Variants in TSHZ2 observed in about 807,000 individuals in gnomAD.
TSHZ2 encodes teashirt zinc finger homeobox 2.
A neutral mutation model predicts 74.4 loss-of-function variants in TSHZ2; 21 were observed. The observed-to-expected ratio is 0.28, with a 90% CI of 0.20 to 0.41. TSHZ2 has a LOEUF of 0.41. TSHZ2 is among the 10% of genes least tolerant of loss of function. The probability of loss-of-function intolerance (pLI) is 1.00; values close to 1 mark genes in which losing one functional copy is unlikely to be tolerated. For synonymous variants in TSHZ2, 540 were observed against 515.3 expected (o/e 1.05, Z -0.65); for missense variants, 1,244 against 1,293.5 (o/e 0.96, Z 0.59).
intron 2 of TSHZ2, among the ~76,000 whole-genome samples, chr20:53,354,122 G>T (rs1357391151): frequency 6.6e-6 from 1 of 152,216 alleles, no homozygotes; most frequent in South Asian, 2.1e-4. Flanking sequence ...CCCTAACATG[G>T]TAGAAGGCAA....
intron 1 of TSHZ2, among the ~76,000 whole-genome samples, chr20:53,201,375 G>A (rs1988999767): frequency 6.6e-6 from 1 of 152,122 alleles, no homozygotes; most frequent in Non-Finnish European, 1.5e-5. Context: ...AAAGCTGCCT[G>A]CATTCTTCGG....
intron 2 of TSHZ2, among the ~76,000 whole-genome samples, chr20:53,407,516 T>C (rs1281646341): frequency 6.6e-6 from 1 of 152,228 alleles, no homozygotes; most frequent in African/African-American, 2.4e-5. Context: ...CAGAGATTCA[T>C]TTCCATGGAA....
chr20:53,210,189 G>C (rs1989269658), intron 1 of TSHZ2, among the ~76,000 whole-genome samples: 2 of 152,240 alleles, frequency 1.3e-5, no homozygotes, highest in African/African-American at 4.8e-5. Flanking sequence ...GAGTGGGTGT[G>C]TGTTGCAGTG....
At chr20:53,357,428 G>T (rs1392424453) in intron 2 of TSHZ2, among the ~76,000 whole-genome samples, 1 of 152,056 alleles carries the variant, frequency 6.6e-6, no homozygotes, top group Non-Finnish European at 1.5e-5. Context: ...ACTTTGGGAG[G>T]CTGAAGTGGG....
intron 2 of TSHZ2, among the ~76,000 whole-genome samples, chr20:53,443,063 T>C (rs2145761724): frequency 6.6e-6 from 1 of 152,230 alleles, no homozygotes; most frequent in Admixed American, 6.5e-5. Context: ...TTTGCAAAAA[T>C]TACAGTTTTG....
intron 1 of TSHZ2, among the ~76,000 whole-genome samples, chr20:53,199,222 G>A (rs1988942452): frequency 6.6e-6 from 1 of 152,202 alleles, no homozygotes; most frequent in Non-Finnish European, 1.5e-5. Flanking sequence ...ATGTGGCTGG[G>A]AGCAGTGGCT....
intron 1 of TSHZ2, among the ~76,000 whole-genome samples, chr20:53,077,047 G>A (rs1985386908): frequency 6.6e-6 from 1 of 152,164 alleles, no homozygotes; most frequent in Non-Finnish European, 1.5e-5. Flanking sequence ...GGAAAAGTGT[G>A]ACCAAGTGGA....
intron 1 of TSHZ2, among the ~76,000 whole-genome samples, chr20:53,248,393 G>T (rs903218192): frequency 2.6e-5 from 4 of 152,070 alleles, no homozygotes; most frequent in African/African-American, 7.2e-5. Context: ...TCATATGAAA[G>T]AAAATTTCTC....
rs530387711 is a variant in TSHZ2, at chr20:53,011,880, G to T, written c.40+38547G>T. ...AGTCCCCATCTGCCTTCCCAATAGG[G>T]TCATTCTTTTCTGTGCCTGGCAATG... On this transcript the variant is annotated intron_variant, in intron 1 of 2. Coordinates refer to ENST00000371497, the MANE Select transcript of TSHZ2 (RefSeq NM_173485.6). Among the ~76,000 whole-genome samples the T allele has an allele frequency of 4.6e-5, 7 of 152,218 alleles. No individual in the cohort carries two copies. The East Asian group carries it at 1.3e-3, about 29-fold the overall frequency.
chr20:53,210,385 T>C (rs1475751058), intron 1 of TSHZ2, among the ~76,000 whole-genome samples: 1 of 151,822 alleles, frequency 6.6e-6, no homozygotes, highest in East Asian at 1.9e-4. Flanking sequence ...TATCGAGCGG[T>C]GGAGGTGGCT....
chr20:53,305,594 G>C (rs1978501697), intron 2 of TSHZ2, among the ~76,000 whole-genome samples: 2 of 152,156 alleles, frequency 1.3e-5, no homozygotes, highest in South Asian at 4.1e-4. Context: ...CTGGTTTTAA[G>C]TTGGCTACAA....
chr20:53,037,930 C>A (rs914196063), intron 1 of TSHZ2, among the ~76,000 whole-genome samples: 21 of 151,996 alleles, frequency 1.4e-4, no homozygotes, highest in Admixed American at 1.2e-3. Flanking sequence ...ATGCCTGGGT[C>A]TGCTTGGTTG....
chr20:53,423,671 T>G (rs1052845588), intron 2 of TSHZ2, among the ~76,000 whole-genome samples: 1 of 152,220 alleles, frequency 6.6e-6, no homozygotes, highest in African/African-American at 2.4e-5. Flanking sequence ...GAAACTGTGC[T>G]GAGAACTTGC....
At position 52,973,045 on chromosome 20, in the gene TSHZ2, C is replaced by A; in HGVS notation, c.-249C>A. 1 of 411,386 alleles carries A rather than the reference C, an allele frequency of 2.4e-6. No homozygotes were observed. Among genetic ancestry groups the A allele is most frequent in the East Asian group, 3.6e-5 (1 of 27,630 alleles). The allele number at this position is 411,386 out of a possible 1,614,324, so 25.5% of individuals were successfully genotyped here. ...AATTCAAAATAAACAAACAAACAAA[C>A]AAGGCAGAACCAACCTCTACTTCAA... On this transcript the variant is annotated 5_prime_UTR_variant, in exon 1 of 3. Coordinates refer to ENST00000371497, the MANE Select transcript of TSHZ2 (RefSeq NM_173485.6).
chr20:53,057,961 C>T (rs1013917821), intron 1 of TSHZ2, among the ~76,000 whole-genome samples: 8 of 152,126 alleles, frequency 5.3e-5, no homozygotes, highest in East Asian at 1.9e-4. Flanking sequence ...TTTTGGGCTC[C>T]GGGAACCAGT....
At chr20:53,026,406 G>T (rs1206793981) in intron 1 of TSHZ2, among the ~76,000 whole-genome samples, 2 of 151,006 alleles carry the variant, frequency 1.3e-5, no homozygotes, top group Non-Finnish European at 2.9e-5. Context: ...AGGCTGGAGT[G>T]CAGTGGCTCG....
At chr20:53,481,355 T>C (rs1986144504) in intron 2 of TSHZ2, among the ~76,000 whole-genome samples, 1 of 152,110 alleles carries the variant, frequency 6.6e-6, no homozygotes, top group African/African-American at 2.4e-5. Context: ...TAGGATTGCT[T>C]GAGTTCAGGA....
chr20:53,477,824 A>G (rs983565245), intron 2 of TSHZ2, among the ~76,000 whole-genome samples: 2 of 148,208 alleles, frequency 1.3e-5, no homozygotes, highest in African/African-American at 2.5e-5. Flanking sequence ...AGAAAAAAAC[A>G]AACAACCCCA....
chr20:53,406,785 A>G (rs2145689066), intron 2 of TSHZ2, among the ~76,000 whole-genome samples: 1 of 152,222 alleles, frequency 6.6e-6, no homozygotes, highest in East Asian at 1.9e-4. Flanking sequence ...TGGCGTGGGG[A>G]TTGGGAAGAA....
Sources: gnomAD v4.1 joint callset for allele counts (sites outside exome capture counted in the v4.1 genomes callset) on GRCh38, gnomAD v4.1.1 for gene constraint, MANE v1.5 for transcripts, NCBI Gene and HGNC (gene_info 2026-07-23, HGNC 2026-07-21) for gene names.